Variants in DCDC1 observed in about 807,000 individuals in gnomAD.
DCDC1 encodes the protein doublecortin domain-containing protein 1.
In DCDC1, 200 loss-of-function variants were observed where a neutral mutation model predicts 178.3. That is an observed-to-expected ratio of 1.12 (90% CI 1.00 to 1.26). DCDC1 has a LOEUF of 1.26. Ranked by LOEUF, DCDC1 falls within the 50% of genes most tolerant of loss-of-function variation. The pLI is 0.00. For missense variants in DCDC1, 1,983 were observed against 1,749.2 expected, an observed-to-expected ratio of 1.13 and a Z score of -2.38; for synonymous variants, 690 against 604.8, an observed-to-expected ratio of 1.14 and a Z score of -2.07.
At chr11:31,222,540 C>A (rs1470469385) in intron 9 of DCDC1, among the ~76,000 whole-genome samples, 1 of 152,176 alleles carries the variant, frequency 6.6e-6, no homozygotes, top group African/African-American at 2.4e-5. Context: ...ATCTTGGTAA[C>A]AAAATCTGTC....
intron 3 of DCDC1, among the ~76,000 whole-genome samples, chr11:31,321,520 C>T (rs531882196): frequency 5.3e-5 from 8 of 152,160 alleles, no homozygotes; most frequent in Non-Finnish European, 1.2e-4. Context: ...GGCTCGCGCA[C>T]GGTGCACACA....
chr11:31,136,810 A>G (rs1207043329), intron 10 of DCDC1, among the ~76,000 whole-genome samples: 1 of 152,134 alleles, frequency 6.6e-6, no homozygotes, highest in Non-Finnish European at 1.5e-5. Context: ...TCATTTATGG[A>G]CTATGCTGTC....
intron 9 of DCDC1, among the ~76,000 whole-genome samples, chr11:31,213,186 T>C (rs910516966): frequency 1.4e-5 from 2 of 141,658 alleles, no homozygotes; most frequent in Non-Finnish European, 3.0e-5. Flanking sequence ...GGGCAGTGGT[T>C]TGCTGTCCTC....
In DCDC1 at chr11:30,905,032, T is replaced by C. The variant is rs754951143; in HGVS notation, c.4237A>G (p.Lys1413Glu). The C allele has an allele frequency of 4.3e-6, 7 of 1,613,806 alleles. No homozygotes were observed. The East Asian group carries it at 1.3e-4, about 31-fold the overall frequency. ...TCCCCATTTTTGTATGCAATTATTTTCACTGCCTTCTGGTGTGTGGCTGCC... is the reference window on the plus strand; with the variant it reads ...TCCCCATTTTTGTATGCAATTATTTCCACTGCCTTCTGGTGTGTGGCTGCC... ...GMAATHQKAV[K>E]IIAYKNGDGY... Residue 1413 changes from lysine to glutamate, a missense_variant, in exon 31 of 39, where the codon AAA becomes GAA. Transcript: ENST00000684477.
intron 11 of DCDC1, among the ~76,000 whole-genome samples, chr11:31,113,459 G>A (rs550642667): frequency 1.1e-5 from 1 of 91,554 alleles, no homozygotes; most frequent in South Asian, 3.7e-4. Flanking sequence ...CCAACGACAG[G>A]CCCCAGTGTG....
chr11:31,303,016 A>G (rs943889475), intron 6 of DCDC1, among the ~76,000 whole-genome samples: 3 of 152,222 alleles, frequency 2.0e-5, no homozygotes, highest in Non-Finnish European at 2.9e-5. Flanking sequence ...TTCATAACTT[A>G]TCTACTCAGT....
At chr11:31,192,226 C>A (rs1970210966) in intron 9 of DCDC1, among the ~76,000 whole-genome samples, 1 of 152,050 alleles carries the variant, frequency 6.6e-6, no homozygotes, top group Middle Eastern at 3.2e-3. Context: ...CCAAAATTAG[C>A]CCACACTGAC....
At chr11:31,204,348 G>C (rs7110281) in intron 9 of DCDC1, among the ~76,000 whole-genome samples, 1 of 151,168 alleles carries the variant, frequency 6.6e-6, no homozygotes, top group Admixed American at 6.6e-5. Context: ...AAGGTGCCAA[G>C]GATAACAATA....
At chr11:30,878,335 C>T (rs1942331134) in intron 38 of DCDC1, among the ~76,000 whole-genome samples, 1 of 151,880 alleles carries the variant, frequency 6.6e-6, no homozygotes, top group Non-Finnish European at 1.5e-5. Context: ...TGACTGTAGT[C>T]CCATTTACTT....
chr11:31,047,278 A>G (rs972589569), intron 20 of DCDC1, among the ~76,000 whole-genome samples: 24 of 152,360 alleles, frequency 1.6e-4, no homozygotes, highest in Admixed American at 2.6e-4. Flanking sequence ...TATTTAATGT[A>G]AGGAAAACAT....
chr11:31,128,797 T>A (rs1342695759), intron 10 of DCDC1, among the ~76,000 whole-genome samples: 1 of 152,166 alleles, frequency 6.6e-6, no homozygotes, highest in African/African-American at 2.4e-5. Context: ...CTACAGTAAG[T>A]GGCCAATGTA....
intron 9 of DCDC1, among the ~76,000 whole-genome samples, chr11:31,218,301 G>T (rs1973831759): frequency 6.6e-6 from 1 of 152,044 alleles, no homozygotes; most frequent in African/African-American, 2.4e-5. Flanking sequence ...ACAAGATATT[G>T]TCATCATCAT....
intron 9 of DCDC1, among the ~76,000 whole-genome samples, chr11:31,228,210 A>G (rs1975266197): frequency 6.6e-6 from 1 of 152,128 alleles, no homozygotes; most frequent in Admixed American, 6.6e-5. Flanking sequence ...TCAAAGGATT[A>G]AAATTATACA....
intron 8 of DCDC1, among the ~76,000 whole-genome samples, chr11:31,253,233 C>G (rs1229422627): frequency 6.6e-6 from 1 of 152,076 alleles, no homozygotes. Flanking sequence ...GTATTTTCAT[C>G]TCTCACTATG....
chr11:30,881,246 G>A lies in DCDC1; in HGVS notation c.5145C>T (p.Pro1715=), dbSNP rs763760199. 2.5e-6 allele frequency: 4 copies of A among 1,613,582 alleles called. No individual in the cohort carries two copies. The highest frequency in any genetic ancestry group is 3.4e-6 in the Non-Finnish European group (4 of 1,179,622). The change falls in exon 37 of 39, where the codon CCC becomes CCT. Residue 1715 remains proline, a synonymous_variant. Coordinates refer to ENST00000684477, the MANE Select transcript of DCDC1 (RefSeq NM_001387274.1). The stretch of plus-strand genomic sequence containing the variant: ...CCCAGGACTGAATTGGCTCTCCACT[G>A]GGGGTGTACAGTGCTCTAGCTGGGT... ...MTHPARALYT[P]SGEPIQSWDD...
chr11:31,127,433 G>A (rs780261960), intron 11 of DCDC1, 36 bp downstream of exon 11: 10 of 693,896 alleles, frequency 1.4e-5, no homozygotes, highest in Non-Finnish European at 2.4e-5. Context: ...CTTCTGCTCT[G>A]GCTGAATCCA....
At chr11:30,899,832 TA>T (rs1303431842) in intron 33 of DCDC1, among the ~76,000 whole-genome samples, 190 bp from the exon 34 acceptor site, 2 of 151,586 alleles carry the variant, frequency 1.3e-5, no homozygotes, top group African/African-American at 4.8e-5. Flanking sequence ...AGTGGAGGGG[TA>T]AAAAAAAGAA....
intron 1 of DCDC1, among the ~76,000 whole-genome samples, chr11:31,342,082 C>G (rs1303550221): frequency 1.3e-5 from 2 of 152,174 alleles, no homozygotes; most frequent in African/African-American, 2.4e-5. Flanking sequence ...GACAAACTAA[C>G]TGACATTAAG....
chr11:31,046,868 G>A (rs960385319), intron 20 of DCDC1, among the ~76,000 whole-genome samples: 5 of 152,038 alleles, frequency 3.3e-5, no homozygotes, highest in East Asian at 1.9e-4. Context: ...AACTTTACAC[G>A]TTTATGCATT....
Sources: allele counts gnomAD v4.1 joint callset (sites outside exome capture counted in the v4.1 genomes callset), GRCh38; gene constraint gnomAD v4.1.1; transcripts MANE v1.5; gene names NCBI Gene and HGNC (gene_info 2026-07-23, HGNC 2026-07-21).